LRIG3: variants seen among roughly 807,000 people sequenced by gnomAD.
The protein encoded by LRIG3 is leucine-rich repeats and immunoglobulin-like domains protein 3.
Under a neutral mutation model 114.5 loss-of-function variants are expected in LRIG3, and 76 were observed. That is an observed-to-expected ratio of 0.66 (90% CI 0.55 to 0.80). The LOEUF (loss-of-function observed/expected upper bound fraction) is 0.80. LRIG3 is among the 30% of genes least tolerant of loss of function. The probability of loss-of-function intolerance (pLI) is 0.00; values close to 1 mark genes in which losing one functional copy is unlikely to be tolerated. For missense variants in LRIG3, 1,239 were observed against 1,382.8 expected (o/e 0.90, Z 1.65); for synonymous variants, 512 against 519.8 (o/e 0.98, Z 0.20).
Position 58,872,696 on chromosome 12 carries a change from G to C in LRIG3, c.3236C>G (p.Ser1079Cys), listed in dbSNP as rs138098228. ...LKAHSSPDLD[S>C]GSEEDGKERT... is the part of the protein sequence containing the mutation. ...TTCTTTCCCATCTTCCTCTGACCCA[G>C]AGTCCAAGTCTGGGGAAGAATGAGC... The change falls in exon 19 of 19, where the codon TCT (serine) becomes TGT (cysteine). Residue 1079 changes from serine to cysteine, a missense_variant. Ser to Cys is a moderately radical substitution (Grantham distance 112). Coordinates refer to ENST00000320743, the MANE Select transcript of LRIG3 (RefSeq NM_153377.5). 6.2e-7 allele frequency: 1 copy of C among 1,614,102 alleles called. No homozygotes were observed. Among genetic ancestry groups the C allele is most frequent in the Non-Finnish European group, 8.5e-7 (1 of 1,179,990 alleles).
rs752396675 is a variant in LRIG3, at chr12:58,877,746, C to T, written c.2190G>A (p.Trp730Ter). The T allele has an allele frequency of 6.2e-7, 1 of 1,614,192 alleles. No homozygotes were observed. Among genetic ancestry groups the T allele is most frequent in the Admixed American group, 1.7e-5 (1 of 60,018 alleles). ...AGGSPPPKLN[W>*]TKDDSPLVVT... ...CCACCAATGGGCTATCATCTTTGGT[C>T]CAGTTCAGTTTAGGGGGAGGGCTTC... The change falls in exon 15 of 19, where the codon TGG becomes TGA. Residue 730 changes from tryptophan to a stop codon, truncating the protein, a stop_gained. Transcript: ENST00000320743. LOFTEE classifies it high-confidence loss of function.
chr12:58,890,222 TC>T, intron 4 of LRIG3, 83 bp from the exon 5 acceptor site: 1 of 1,413,886 alleles, frequency 7.1e-7, no homozygotes, highest in Non-Finnish European at 9.6e-7. Context: ...AGAAGGAGTC[TC>T]CAGAGAACTT....
intron 9 of LRIG3, 101 bp downstream of exon 9, chr12:58,886,708 AT>A (rs1332305946): frequency 3.3e-6 from 3 of 919,458 alleles, no homozygotes; most frequent in Non-Finnish European, 5.2e-6. Context: ...TTAAGCACTG[AT>A]TTCTCATCTC....
At position 58,877,529 on chromosome 12, in the gene LRIG3, C is replaced by T. The variant is rs1167579793; in HGVS notation, c.2407G>A (p.Asp803Asn). 1 of 1,614,222 alleles carries T rather than the reference C, an allele frequency of 6.2e-7. No individual in the cohort carries two copies. The change falls in exon 15 of 19, where the codon GAC (aspartate) becomes AAC (asparagine). Residue 803 changes from aspartate to asparagine, a missense_variant. Physicochemically the swap from Asp to Asn is conservative, Grantham distance 23 (BLOSUM62 1). Coordinates refer to ENST00000320743, the MANE Select transcript of LRIG3 (RefSeq NM_153377.5). Reference sequence around the variant, plus strand: ...ACGACACCCACAGTGGCCCATCCGTCATCGTCTAACGATGGGGCTGTCATC... The same window carrying T: ...ACGACACCCACAGTGGCCCATCCGTTATCGTCTAACGATGGGGCTGTCATC... ...PQMTAPSLDD[D>N]GWATVGVVII... is the part of the protein sequence containing the mutation.
intron 3 of LRIG3, among the ~76,000 whole-genome samples, chr12:58,901,360 C>T (rs1220044903): frequency 6.6e-6 from 1 of 152,176 alleles, no homozygotes; most frequent in African/African-American, 2.4e-5. Flanking sequence ...TCTCAGTTAC[C>T]TTGTTCTGGC....
intron 12 of LRIG3, 32 bp downstream of exon 12, chr12:58,882,837 A>C: frequency 6.4e-7 from 1 of 1,551,412 alleles, no homozygotes. Flanking sequence ...AAAGAAGAAT[A>C]AATAAAAGGC....
intron 3 of LRIG3, among the ~76,000 whole-genome samples, chr12:58,910,256 C>T (rs1327403871): frequency 6.6e-6 from 1 of 152,164 alleles, no homozygotes; most frequent in Non-Finnish European, 1.5e-5. Flanking sequence ...AAAATGGATA[C>T]TCCTGGGCCC....
chr12:58,884,208 A>G (rs139849427), intron 10 of LRIG3, among the ~76,000 whole-genome samples: 43 of 152,350 alleles, frequency 2.8e-4, no homozygotes, highest in Non-Finnish European at 4.7e-4. Context: ...TTCAGACAAG[A>G]TATACTTGTT....
intron 1 of LRIG3, chr12:58,919,298 T>A (rs975045328): frequency 2.7e-5 from 34 of 1,265,058 alleles, no homozygotes; most frequent in Non-Finnish European, 3.4e-5. Flanking sequence ...CTCCCTGCGC[T>A]CTCCCCTAAA....
chr12:58,884,000 T>C (rs527949373), intron 10 of LRIG3, among the ~76,000 whole-genome samples: 1 of 152,328 alleles, frequency 6.6e-6, no homozygotes, highest in Non-Finnish European at 1.5e-5. Flanking sequence ...TTTGAAGATA[T>C]GCACTCAGTT....
At chr12:58,889,941 A>T in intron 5 of LRIG3, 55 bp downstream of exon 5, 1 of 1,571,036 alleles carries the variant, frequency 6.4e-7, no homozygotes, top group Non-Finnish European at 8.7e-7. Context: ...TAAGGAAAAG[A>T]CACCAAGGGT....
intron 5 of LRIG3, among the ~76,000 whole-genome samples, 155 bp from the exon 6 acceptor site, chr12:58,889,117 T>A (rs1486500035): frequency 6.6e-6 from 1 of 152,228 alleles, no homozygotes; most frequent in African/African-American, 2.4e-5. Context: ...AGAATTTCAA[T>A]TTGTTAAGCA....
Position 58,914,327 on chromosome 12 carries a change from A to G in LRIG3, c.246T>C (p.Ser82=), listed in dbSNP as rs1484665943. 1 of 1,613,254 alleles carries G rather than the reference A, an allele frequency of 6.2e-7. No individual in the cohort carries two copies. The highest frequency in any genetic ancestry group is 1.1e-5 in the South Asian group (1 of 91,052). The change falls in exon 2 of 19, where the codon AGT becomes AGC. Residue 82 remains serine (S), a synonymous_variant. Transcript: ENST00000320743. ...CCTTGATGAAAGATAATCTGTTGTG[A>G]CTTAAGTCCCTATAAGAAAACAAAA... is the stretch of plus-strand genomic sequence containing the variant. ...LPSWVARLDL[S]HNRLSFIKAS... is the part of the protein sequence containing the mutation.
intron 1 of LRIG3, among the ~76,000 whole-genome samples, chr12:58,919,062 A>C (rs1872576992): frequency 6.6e-6 from 1 of 152,204 alleles, no homozygotes; most frequent in Admixed American, 6.5e-5. Flanking sequence ...TATGAAGTGC[A>C]CTTTTATTTT....
At chr12:58,895,226 G>C (rs974024516) in intron 3 of LRIG3, among the ~76,000 whole-genome samples, 8 of 152,178 alleles carry the variant, frequency 5.3e-5, no homozygotes, top group African/African-American at 1.9e-4. Flanking sequence ...AGAGCTTAAA[G>C]TCTAGTGGGG....
intron 3 of LRIG3, among the ~76,000 whole-genome samples, chr12:58,911,192 T>C (rs1251516706): frequency 6.6e-6 from 1 of 152,202 alleles, no homozygotes; most frequent in Non-Finnish European, 1.5e-5. Flanking sequence ...GGGAAGATTA[T>C]CGCAGATTCC....
chr12:58,903,813 T>G (rs1333909828), intron 3 of LRIG3, among the ~76,000 whole-genome samples: 1 of 152,072 alleles, frequency 6.6e-6, no homozygotes, highest in Non-Finnish European at 1.5e-5. Flanking sequence ...CAGCATTTAT[T>G]AAATAGGGAA....
intron 9 of LRIG3, among the ~76,000 whole-genome samples, chr12:58,886,606 T>A (rs1592298200): frequency 6.6e-6 from 1 of 152,138 alleles, no homozygotes; most frequent in Non-Finnish European, 1.5e-5. Context: ...AAATGTTGAA[T>A]AAAACACTTT....
In LRIG3 at chr12:58,878,956, G is replaced by A. The variant is rs762876825; in HGVS notation, c.1951C>T (p.Arg651Cys). 1.3e-5 allele frequency: 21 copies of A among 1,614,030 alleles called. No individual in the cohort carries two copies. The highest frequency in any genetic ancestry group is 1.4e-5 in the Non-Finnish European group (16 of 1,180,028). Residue 651 changes from arginine to cysteine, a missense_variant, in exon 14 of 19, where the codon CGC (arginine) becomes TGC (cysteine). By Grantham distance (180) the Arg-to-Cys change is radical (BLOSUM62 -3). Transcript: ENST00000320743. ...GTDFPAARER[R>C]MHVMPEDDVF... The stretch of plus-strand genomic sequence containing the variant: ...TCATCCTCGGGCATCACATGCATGC[G>A]TCTCTCCCGTGCAGCTGGGAAGTCT...
Sources: gnomAD v4.1 joint callset for allele counts (sites outside exome capture counted in the v4.1 genomes callset) on GRCh38, gnomAD v4.1.1 for gene constraint, MANE v1.5 for transcripts, NCBI Gene and HGNC (gene_info 2026-07-23, HGNC 2026-07-21) for gene names.